The following KCNIP4 variants were observed in gnomAD, a reference collection of about 807,000 sequenced individuals.
The protein encoded by KCNIP4 is potassium voltage-gated channel interacting protein 4, also known as Kv channel-interacting protein 4.
Under a neutral mutation model 34.0 loss-of-function variants are expected in KCNIP4, and 12 were observed. The ratio of observed to expected loss-of-function variants is 0.35; its 90% CI spans 0.23 to 0.57. The LOEUF (loss-of-function observed/expected upper bound fraction) is 0.57, where lower values mean the gene tolerates loss of function less well. Among genes scored for constraint, KCNIP4 ranks in the 20% least tolerant of loss-of-function variants. The probability of loss-of-function intolerance (pLI) is 0.83; values close to 1 mark genes in which losing one functional copy is unlikely to be tolerated. For synonymous variants in KCNIP4, 124 were observed against 102.2 expected (o/e 1.21, Z -1.29); for missense variants, 238 against 311.7 (o/e 0.76, Z 1.78).
intron 1 of KCNIP4, among the ~76,000 whole-genome samples, chr4:21,374,026 T>C (rs1720737989): frequency 6.8e-6 from 1 of 147,412 alleles, no homozygotes; most frequent in Non-Finnish European, 1.5e-5. Flanking sequence ...ATTTTTAGAA[T>C]AGAAGCAACA....
intron 1 of KCNIP4, among the ~76,000 whole-genome samples, chr4:21,669,694 C>G (rs1242748771): frequency 2.0e-5 from 3 of 152,112 alleles, no homozygotes; most frequent in African/African-American, 4.8e-5. Flanking sequence ...AAAGAAGAAA[C>G]TGAGGCACAA....
At chr4:21,561,782 A>G (rs950792687) in intron 1 of KCNIP4, among the ~76,000 whole-genome samples, 14 of 152,156 alleles carry the variant, frequency 9.2e-5, no homozygotes, top group Middle Eastern at 6.8e-3. Context: ...AGAGTTTCAC[A>G]TACATTACAT....
intron 1 of KCNIP4, among the ~76,000 whole-genome samples, chr4:21,709,913 A>G (rs1438646855): frequency 6.6e-6 from 1 of 152,226 alleles, no homozygotes; most frequent in Non-Finnish European, 1.5e-5. Context: ...AGAGAAGCAC[A>G]TATCCTAGTC....
intron 1 of KCNIP4, among the ~76,000 whole-genome samples, chr4:20,893,594 T>A (rs2149539980): frequency 6.6e-6 from 1 of 151,830 alleles, no homozygotes. Flanking sequence ...CAGTATTTTT[T>A]TTTTTTTTTT....
At chr4:20,954,821 C>T (rs1733129385) in intron 1 of KCNIP4, among the ~76,000 whole-genome samples, 1 of 152,210 alleles carries the variant, frequency 6.6e-6, no homozygotes, top group South Asian at 2.1e-4. Flanking sequence ...CTGCCTTATG[C>T]TATTCCTCAC....
At chr4:21,509,589 T>C (rs1423154280) in intron 1 of KCNIP4, among the ~76,000 whole-genome samples, 1 of 152,096 alleles carries the variant, frequency 6.6e-6, no homozygotes, top group Non-Finnish European at 1.5e-5. Context: ...CCATTATAGA[T>C]GAGGAAAGTG....
At chr4:21,546,064 C>G (rs761693713) in intron 1 of KCNIP4, among the ~76,000 whole-genome samples, 7 of 152,024 alleles carry the variant, frequency 4.6e-5, no homozygotes, top group Non-Finnish European at 7.4e-5. Context: ...ACCTAAGAAC[C>G]CTTTATTGGG....
intron 1 of KCNIP4, among the ~76,000 whole-genome samples, chr4:20,923,706 A>T (rs1206066666): frequency 6.6e-6 from 1 of 152,224 alleles, no homozygotes; most frequent in African/African-American, 2.4e-5. Flanking sequence ...CAATAAGTTC[A>T]GAAGTACGTG....
At chr4:20,864,490 G>C (rs1349765602) in intron 2 of KCNIP4, among the ~76,000 whole-genome samples, 1 of 151,834 alleles carries the variant, frequency 6.6e-6, no homozygotes, top group East Asian at 1.9e-4. Context: ...TACCAACACA[G>C]AGAGACTAAG....
Position 21,235,981 on chromosome 4 carries a change from C to T in KCNIP4, c.62-353272G>A, listed in dbSNP as rs533321593. ...GTATAGGTTCTGACCTAGATAAGGT[C>T]TAAAGTCATGCTTAATAAAAATAAA... On this transcript the variant is annotated intron_variant, in intron 1 of 8. Coordinates refer to ENST00000382152, the MANE Select transcript of KCNIP4 (RefSeq NM_025221.6). 1.8e-4 allele frequency among the ~76,000 whole-genome samples: 27 copies of T among 152,090 alleles called. No individual in the cohort carries two copies. The South Asian group carries it at 4.0e-3, about 22-fold the overall frequency.
At chr4:21,439,480 C>T (rs1727254829) in intron 1 of KCNIP4, among the ~76,000 whole-genome samples, 1 of 152,198 alleles carries the variant, frequency 6.6e-6, no homozygotes, top group Non-Finnish European at 1.5e-5. Flanking sequence ...CCCTTCCCAA[C>T]CTCTCTTCCT....
chr4:21,552,717 C>T (rs1286760589), intron 1 of KCNIP4, among the ~76,000 whole-genome samples: 1 of 151,964 alleles, frequency 6.6e-6, no homozygotes, highest in Non-Finnish European at 1.5e-5. Context: ...TTTTTTAATA[C>T]TTAGTTTTTT....
chr4:20,763,160 T>C (rs1755083851), intron 3 of KCNIP4, among the ~76,000 whole-genome samples: 1 of 152,148 alleles, frequency 6.6e-6, no homozygotes. Context: ...CATAACCACA[T>C]CACCAGTTGA....
chr4:21,768,947 T>A (rs1327036931), intron 1 of KCNIP4, among the ~76,000 whole-genome samples: 1 of 152,054 alleles, frequency 6.6e-6, no homozygotes, highest in Non-Finnish European at 1.5e-5. Flanking sequence ...TTTTTTCAAT[T>A]TTTTTTGTTA....
chr4:21,514,181 C>T (rs972041544), intron 1 of KCNIP4, among the ~76,000 whole-genome samples: 4 of 152,156 alleles, frequency 2.6e-5, no homozygotes, highest in African/African-American at 7.2e-5. Context: ...GGAGACAATG[C>T]GGTTTCCCTG....
chr4:21,290,494 T>G (rs16870719), intron 1 of KCNIP4, among the ~76,000 whole-genome samples: 4,785 of 152,290 alleles, frequency 0.031, 276 homozygotes, highest in African/African-American at 0.11. Context: ...ACCTCCCGTG[T>G]GTATACTTTT....
chr4:20,892,760 C>T (rs558392503), intron 1 of KCNIP4, among the ~76,000 whole-genome samples: 1 of 152,290 alleles, frequency 6.6e-6, no homozygotes, highest in Admixed American at 6.5e-5. Flanking sequence ...TCTAAAGCCG[C>T]TTCTAAGTGT....
chr4:21,903,248 A>T lies in KCNIP4; in HGVS notation c.61+45323T>A, dbSNP rs528579355. On this transcript the variant is annotated intron_variant, in intron 1 of 8. Transcript: ENST00000382152. ...AGCCATCTTCCTCTCAATTTGAGAT[A>T]TTTTTTTGACATGGATAATGCAGGT... 2.8e-4 allele frequency among the ~76,000 whole-genome samples: 43 copies of T among 152,214 alleles called. No individual in the cohort carries two copies. The South Asian group carries it at 6.2e-3, about 22-fold the overall frequency.
intron 1 of KCNIP4, among the ~76,000 whole-genome samples, chr4:21,606,106 G>T (rs185270943): frequency 1.3e-5 from 2 of 152,282 alleles, no homozygotes; most frequent in East Asian, 3.9e-4. Context: ...GATAGCCAGA[G>T]AAAGAATTAT....
Sources: allele counts gnomAD v4.1 joint callset (sites outside exome capture counted in the v4.1 genomes callset), GRCh38; gene constraint gnomAD v4.1.1; transcripts MANE v1.5; gene names NCBI Gene and HGNC (gene_info 2026-07-23, HGNC 2026-07-21).